KCNQ3: variants seen among roughly 807,000 people sequenced by gnomAD.
KCNQ3 encodes potassium voltage-gated channel subfamily KQT member 3.
Under a neutral mutation model 92.5 loss-of-function variants are expected in KCNQ3, and 30 were observed. The observed-to-expected ratio is 0.32, with a 90% CI of 0.24 to 0.44. The LOEUF (loss-of-function observed/expected upper bound fraction) is 0.44, where lower values mean the gene tolerates loss of function less well. Among genes scored for constraint, KCNQ3 ranks in the 20% least tolerant of loss-of-function variants. The probability of loss-of-function intolerance (pLI) is 1.00; values close to 1 mark genes in which losing one functional copy is unlikely to be tolerated. For missense variants in KCNQ3, 913 were observed against 1,140.3 expected, an observed-to-expected ratio of 0.80 and a Z score of 2.87; for synonymous variants, 450 against 468.8, an observed-to-expected ratio of 0.96 and a Z score of 0.52.
intron 4 of KCNQ3, among the ~76,000 whole-genome samples, chr8:132,178,661 C>T (rs1826648415): frequency 6.6e-6 from 1 of 152,030 alleles, no homozygotes. Flanking sequence ...TCATATTCTA[C>T]TCCGAGATGC....
At chr8:132,152,775 C>T (rs1825681010) in intron 9 of KCNQ3, among the ~76,000 whole-genome samples, 1 of 152,160 alleles carries the variant, frequency 6.6e-6, no homozygotes, top group African/African-American at 2.4e-5. Context: ...ACCCAACTCA[C>T]AAGTATTTGA....
At chr8:132,237,250 T>C (rs1260217310) in intron 1 of KCNQ3, among the ~76,000 whole-genome samples, 1 of 152,000 alleles carries the variant, frequency 6.6e-6, no homozygotes, top group Non-Finnish European at 1.5e-5. Flanking sequence ...ATAAGAGTAA[T>C]GATGATGATG....
At chr8:132,462,201 ATTTAT>A (rs1554659383) in intron 1 of KCNQ3, among the ~76,000 whole-genome samples, 3 of 136,168 alleles carry the variant, frequency 2.2e-5, no homozygotes, top group Non-Finnish European at 4.8e-5. Flanking sequence ...TTATTTATTT[ATTTAT>A]TTTATTTTTT....
intron 1 of KCNQ3, among the ~76,000 whole-genome samples, chr8:132,240,331 C>A (rs1020655079): frequency 3.9e-5 from 6 of 152,102 alleles, no homozygotes; most frequent in African/African-American, 1.4e-4. Context: ...GGATTACAGG[C>A]ATGCGCCACC....
intron 1 of KCNQ3, among the ~76,000 whole-genome samples, chr8:132,285,959 T>G (rs1294913302): frequency 6.6e-6 from 1 of 152,218 alleles, no homozygotes; most frequent in Non-Finnish European, 1.5e-5. Context: ...CACTCTGGAA[T>G]GCAAATTGCA....
intron 1 of KCNQ3, among the ~76,000 whole-genome samples, chr8:132,295,107 T>C (rs1816975615): frequency 6.6e-6 from 1 of 152,200 alleles, no homozygotes. Context: ...GACAGCCTAC[T>C]GTATAGGAGA....
intron 1 of KCNQ3, among the ~76,000 whole-genome samples, chr8:132,267,264 C>A (rs1816013051): frequency 6.6e-6 from 1 of 152,232 alleles, no homozygotes; most frequent in East Asian, 1.9e-4. Flanking sequence ...TTATGTTAAA[C>A]CTTCAACACT....
At position 132,128,067 on chromosome 8, in the gene KCNQ3, A is replaced by ATT. The variant is rs1194311107; in HGVS notation, c.*1194_*1195insAA. On this transcript the variant is annotated 3_prime_UTR_variant, in exon 15 of 15. Coordinates refer to ENST00000388996, the MANE Select transcript of KCNQ3 (RefSeq NM_004519.4). ...AAGCATGTTTTGCAATAAAAGTGGA[A>ATT]ATCCCCCTCCTGCTGGATAAACTGG... 8 of 152,236 alleles carry ATT rather than the reference A, an allele frequency of 5.3e-5. No homozygotes were observed. The East Asian group carries it at 1.5e-3, about 29-fold the overall frequency. 9.4% of individuals were successfully genotyped at this position (152,236 alleles called of 1,614,324 possible).
chr8:132,276,609 C>T (rs1471028917), intron 1 of KCNQ3, among the ~76,000 whole-genome samples: 1 of 152,170 alleles, frequency 6.6e-6, no homozygotes, highest in African/African-American at 2.4e-5. Flanking sequence ...CAATGTGTCT[C>T]CTCTCACTTC....
At chr8:132,408,185 T>C (rs1003527089) in intron 1 of KCNQ3, among the ~76,000 whole-genome samples, 5 of 151,848 alleles carry the variant, frequency 3.3e-5, no homozygotes, top group Admixed American at 1.3e-4. Flanking sequence ...TTGTGGACTA[T>C]ATGTACAACA....
intron 1 of KCNQ3, among the ~76,000 whole-genome samples, chr8:132,204,776 T>G (rs1813601693): frequency 6.6e-6 from 1 of 152,248 alleles, no homozygotes; most frequent in Non-Finnish European, 1.5e-5. Flanking sequence ...ATGAGGCTAA[T>G]AAAATGACAT....
intron 1 of KCNQ3, among the ~76,000 whole-genome samples, chr8:132,284,228 C>T (rs1816614735): frequency 6.6e-6 from 1 of 151,998 alleles, no homozygotes; most frequent in African/African-American, 2.4e-5. Flanking sequence ...AAGAAATTGA[C>T]CCTGGGGCAT....
intron 1 of KCNQ3, among the ~76,000 whole-genome samples, chr8:132,453,115 G>T (rs965872885): frequency 1.3e-5 from 2 of 152,174 alleles, no homozygotes; most frequent in African/African-American, 4.8e-5. Context: ...GCCCCCAGGG[G>T]AGGCAGGACC....
chr8:132,210,299 A>G (rs1214233855), intron 1 of KCNQ3, among the ~76,000 whole-genome samples: 1 of 152,142 alleles, frequency 6.6e-6, no homozygotes, highest in African/African-American at 2.4e-5. Flanking sequence ...GACTGTGTGG[A>G]TGTGAGCCAT....
intron 1 of KCNQ3, among the ~76,000 whole-genome samples, chr8:132,248,164 A>T (rs956851204): frequency 3.3e-5 from 5 of 152,134 alleles, no homozygotes; most frequent in Admixed American, 6.5e-5. Context: ...TGTAAGAGAA[A>T]CACTTCCTAG....
intron 1 of KCNQ3, among the ~76,000 whole-genome samples, chr8:132,435,632 C>T (rs540176288): frequency 6.6e-6 from 1 of 152,312 alleles, no homozygotes; most frequent in African/African-American, 2.4e-5. Flanking sequence ...GAGTAGTGAA[C>T]AGGAGCTCAA....
At chr8:132,184,641 A>C (rs553726855) in intron 2 of KCNQ3, among the ~76,000 whole-genome samples, 3 of 152,144 alleles carry the variant, frequency 2.0e-5, no homozygotes, top group Non-Finnish European at 4.4e-5. Context: ...TCTTTTTTCT[A>C]TGTTTTTGTT....
At chr8:132,200,053 G>T (rs535927986) in intron 1 of KCNQ3, among the ~76,000 whole-genome samples, 1 of 152,114 alleles carries the variant, frequency 6.6e-6, no homozygotes, top group South Asian at 2.1e-4. Context: ...CTTAATACTT[G>T]TAGGAACAAA....
At chr8:132,269,132 T>C (rs140026361) in intron 1 of KCNQ3, among the ~76,000 whole-genome samples, 119 of 152,376 alleles carry the variant, frequency 7.8e-4, no homozygotes, top group Middle Eastern at 6.8e-3. Context: ...TTATCTAATA[T>C]GTCTTGTGCA....
Sources: allele counts gnomAD v4.1 joint callset (sites outside exome capture counted in the v4.1 genomes callset), GRCh38; gene constraint gnomAD v4.1.1; transcripts MANE v1.5; gene names NCBI Gene and HGNC (gene_info 2026-07-23, HGNC 2026-07-21).